PIGL: variants seen among roughly 807,000 people sequenced by gnomAD.
PIGL encodes N-acetylglucosaminyl-phosphatidylinositol de-N-acetylase.
A neutral mutation model predicts 31.1 loss-of-function variants in PIGL; 22 were observed. The observed-to-expected ratio is 0.71, with a 90% CI of 0.51 to 1.01. The LOEUF (loss-of-function observed/expected upper bound fraction) is 1.01, where lower values mean the gene tolerates loss of function less well. Among genes scored for constraint, PIGL ranks in the 50% least tolerant of loss-of-function variants. The pLI is 0.00. For synonymous variants in PIGL, 131 were observed against 117.4 expected (o/e 1.12, Z -0.75); for missense variants, 302 against 315.9 (o/e 0.96, Z 0.33).
Position 16,224,696 on chromosome 17 carries a change from G to A in PIGL, c.235+7235G>A, listed in dbSNP as rs141921864. 4.1e-3 allele frequency among the ~76,000 whole-genome samples: 628 copies of A among 151,974 alleles called. 9 individuals are homozygous for A. Among genetic ancestry groups the A allele is most frequent in the African/African-American group, 0.014 (583 of 41,476 alleles). On this transcript the variant is annotated intron_variant, in intron 1 of 6. Coordinates refer to ENST00000225609, the MANE Select transcript of PIGL (RefSeq NM_004278.4). ...CCTTGTGACAGAGTCTCACTCTGACGTCCAGGCTGGAGTGCAGTGGCGCAG... is the reference window on the plus strand; with the variant it reads ...CCTTGTGACAGAGTCTCACTCTGACATCCAGGCTGGAGTGCAGTGGCGCAG...
At chr17:16,316,623 G>T in intron 4 of PIGL, 58 bp from the exon 5 acceptor site, 1 of 1,534,650 alleles carries the variant, frequency 6.5e-7, no homozygotes, top group Admixed American at 1.7e-5. Context: ...GGCCCCTCCT[G>T]TTACCTACAA....
At position 16,217,325 on chromosome 17, in the gene PIGL, G is replaced by C; in HGVS notation, c.99G>C (p.Gln33His). The change falls in exon 1 of 7, where the codon CAG becomes CAC. Residue 33 changes from glutamine (Q) to histidine (H), a missense_variant. By Grantham distance (24) the Gln-to-His change is conservative (BLOSUM62 0). Transcript: ENST00000225609. ...CAGAACGAATGAAGAGTCGGGAGCA[G>C]GGAGGACGGCTGGGAGCCGAAAGCC... ...DSSERMKSRE[Q>H]GGRLGAESRT... is the part of the protein sequence containing the mutation. 3 of 1,614,236 alleles carry C rather than the reference G, an allele frequency of 1.9e-6. No individual in the cohort carries two copies. The highest frequency in any genetic ancestry group is 2.5e-6 in the Non-Finnish European group (3 of 1,180,048).
chr17:16,235,752 C>CTTTTTT (rs35285920), intron 2 of PIGL, among the ~76,000 whole-genome samples: 1 of 111,534 alleles, frequency 9.0e-6, no homozygotes, highest in Non-Finnish European at 1.8e-5. Flanking sequence ...TGTGTCCGGT[C>CTTTTTT]TTTTTTTTTT....
chr17:16,252,313 C>G (rs2142729776), intron 2 of PIGL, among the ~76,000 whole-genome samples: 1 of 152,004 alleles, frequency 6.6e-6, no homozygotes, highest in Non-Finnish European at 1.5e-5. Context: ...ACCTCGTGGT[C>G]CACCCGCCTT....
chr17:16,320,628 T>G (rs538550751), intron 6 of PIGL, among the ~76,000 whole-genome samples: 1 of 152,236 alleles, frequency 6.6e-6, no homozygotes, highest in Admixed American at 6.5e-5. Flanking sequence ...TTTTTTTGTT[T>G]AGCTTTATTT....
chr17:16,300,000 T>G, intron 3 of PIGL, 22 bp downstream of exon 3: 4 of 1,580,164 alleles, frequency 2.5e-6, no homozygotes, highest in Non-Finnish European at 3.5e-6. Flanking sequence ...GCTCCCTGAA[T>G]GGAAAACCTG....
At chr17:16,285,547 C>T (rs1016386253) in intron 2 of PIGL, among the ~76,000 whole-genome samples, 8 of 151,088 alleles carry the variant, frequency 5.3e-5, no homozygotes, top group African/African-American at 1.9e-4. Context: ...CCAGCCTGGG[C>T]GACAGAGTGA....
intron 2 of PIGL, among the ~76,000 whole-genome samples, chr17:16,292,281 G>A (rs539613756): frequency 7.0e-4 from 107 of 151,790 alleles, no homozygotes; most frequent in African/African-American, 2.6e-3. Context: ...TGATCCACCC[G>A]CCTCAGCCTC....
At chr17:16,253,753 G>A (rs1165405474) in intron 2 of PIGL, among the ~76,000 whole-genome samples, 1 of 152,018 alleles carries the variant, frequency 6.6e-6, no homozygotes, top group Non-Finnish European at 1.5e-5. Context: ...TTCAAGACCA[G>A]CCAGGGCAAC....
chr17:16,239,125 A>G (rs2142696650), intron 2 of PIGL, among the ~76,000 whole-genome samples: 1 of 151,980 alleles, frequency 6.6e-6, no homozygotes, highest in East Asian at 1.9e-4. Flanking sequence ...GCTTGAGGCC[A>G]GAAGTTCAAA....
chr17:16,239,499 A>C (rs2092714088), intron 2 of PIGL, among the ~76,000 whole-genome samples: 1 of 149,418 alleles, frequency 6.7e-6, no homozygotes, highest in Non-Finnish European at 1.5e-5. Context: ...ATAAAAAAGA[A>C]AAAAAAAAGA....
intron 2 of PIGL, among the ~76,000 whole-genome samples, chr17:16,254,222 C>T (rs2092783986): frequency 6.6e-6 from 1 of 152,164 alleles, no homozygotes; most frequent in Non-Finnish European, 1.5e-5. Flanking sequence ...TTGTTACATT[C>T]CCATTGTTCC....
chr17:16,297,132 G>C (rs2142830299), intron 2 of PIGL, among the ~76,000 whole-genome samples: 1 of 152,334 alleles, frequency 6.6e-6, no homozygotes, highest in South Asian at 2.1e-4. Flanking sequence ...TTGAACGTGT[G>C]ACCAAGAGGA....
At chr17:16,296,204 T>C (rs1426905007) in intron 2 of PIGL, among the ~76,000 whole-genome samples, 3 of 152,204 alleles carry the variant, frequency 2.0e-5, no homozygotes, top group East Asian at 1.9e-4. Context: ...TGGTGATTCA[T>C]TGCTTTACCT....
intron 1 of PIGL, among the ~76,000 whole-genome samples, chr17:16,220,118 G>C (rs2092619702): frequency 6.6e-6 from 1 of 151,982 alleles, no homozygotes. Flanking sequence ...GGGAGGCCGA[G>C]GCGGGCAGAT....
chr17:16,317,956 G>GA (rs753366461), intron 6 of PIGL, 48 bp downstream of exon 6: 3 of 1,337,308 alleles, frequency 2.2e-6, no homozygotes, highest in South Asian at 1.2e-5. Context: ...CCCTGCCCCA[G>GA]ACCCCTGTCT....
intron 2 of PIGL, among the ~76,000 whole-genome samples, chr17:16,257,261 AC>A (rs545819753): frequency 1.5e-3 from 225 of 152,228 alleles, no homozygotes; most frequent in African/African-American, 5.1e-3. Flanking sequence ...TACTAAAAAT[AC>A]AAAAATTAGC....
At chr17:16,296,316 AAAG>A (rs2092981801) in intron 2 of PIGL, among the ~76,000 whole-genome samples, 1 of 152,134 alleles carries the variant, frequency 6.6e-6, no homozygotes, top group East Asian at 1.9e-4. Flanking sequence ...GGACTGCAAG[AAAG>A]AAGGACTGGG....
At chr17:16,289,117 T>A (rs975401730) in intron 2 of PIGL, among the ~76,000 whole-genome samples, 2 of 149,888 alleles carry the variant, frequency 1.3e-5, no homozygotes, top group African/African-American at 5.1e-5. Context: ...CTGTATGGAC[T>A]GGAATTCTGA....
Sources: allele counts gnomAD v4.1 joint callset (sites outside exome capture counted in the v4.1 genomes callset), GRCh38; gene constraint gnomAD v4.1.1; transcripts MANE v1.5; gene names NCBI Gene and HGNC (gene_info 2026-07-23, HGNC 2026-07-21).